The following VOPP1 variants were observed in gnomAD, a reference collection of about 807,000 sequenced individuals.
VOPP1 encodes WW domain binding protein VOPP1.
Under a neutral mutation model 23.5 loss-of-function variants are expected in VOPP1, and 8 were observed. That is an observed-to-expected ratio of 0.34 (90% CI 0.20 to 0.61). VOPP1 has a LOEUF of 0.61. Ranked by LOEUF, VOPP1 falls within the 20% of genes least tolerant of loss-of-function variation. The pLI is 0.78. For synonymous variants in VOPP1, 83 were observed against 97.3 expected, an observed-to-expected ratio of 0.85 and a Z score of 0.86; for missense variants, 174 against 238.1, an observed-to-expected ratio of 0.73 and a Z score of 1.77.
chr7:55,561,962 G>GGTGC lies in VOPP1; in HGVS notation c.54+10305_54+10308dup, dbSNP rs147066070. 315 of 703,418 alleles carry GGTGC rather than the reference G, an allele frequency of 4.5e-4. 1 individual carries two copies. In the African/African-American group the frequency reaches 4.6e-3, roughly 10 times the overall value. The allele number at this position is 703,418 out of a possible 1,614,324, so 43.6% of individuals were successfully genotyped here. ...ATGGGAAAACAGGAAGTGAAAGTAT[G>GGTGC]GTGCCTTCAGGACCCACAGTAGTCG... is the stretch of plus-strand genomic sequence containing the variant. On this transcript the variant is annotated intron_variant, in intron 1 of 4. Transcript: ENST00000285279.
chr7:55,512,224 G>A (rs1044578547), intron 2 of VOPP1, among the ~76,000 whole-genome samples: 3 of 152,060 alleles, frequency 2.0e-5, no homozygotes, highest in Admixed American at 6.5e-5. Flanking sequence ...TCAGGAGTTC[G>A]AGACCAGCCT....
chr7:55,500,921 G>A (rs1794321535), intron 2 of VOPP1, among the ~76,000 whole-genome samples: 1 of 152,194 alleles, frequency 6.6e-6, no homozygotes, highest in Non-Finnish European at 1.5e-5. Flanking sequence ...CATGACCAAA[G>A]GGTCACCTTC....
intron 2 of VOPP1, among the ~76,000 whole-genome samples, chr7:55,499,468 T>C (rs976829879): frequency 6.6e-6 from 1 of 152,212 alleles, no homozygotes; most frequent in African/African-American, 2.4e-5. Context: ...GCCTGCTCTG[T>C]GCTTTCCTGA....
intron 1 of VOPP1, among the ~76,000 whole-genome samples, chr7:55,562,427 C>A (rs1018735440): frequency 1.4e-4 from 22 of 152,196 alleles, no homozygotes; most frequent in Admixed American, 1.4e-3. Flanking sequence ...CAATCTAAGG[C>A]CACTGAAAAT....
chr7:55,561,074 A>G (rs867702711), intron 1 of VOPP1, among the ~76,000 whole-genome samples: 1 of 152,036 alleles, frequency 6.6e-6, no homozygotes, highest in African/African-American at 2.4e-5. Context: ...CACCCCGACC[A>G]TGGATGCTCT....
intron 4 of VOPP1, among the ~76,000 whole-genome samples, chr7:55,437,900 T>A (rs967239337): frequency 6.6e-6 from 1 of 151,570 alleles, no homozygotes; most frequent in Non-Finnish European, 1.5e-5. Context: ...TGTTTGTATT[T>A]TTTTTTTTTT....
Position 55,476,443 on chromosome 7 carries a change from G to C in VOPP1, c.329-3398C>G, listed in dbSNP as rs1032729924. On this transcript the variant is annotated intron_variant, in intron 4 of 4. Transcript: ENST00000285279. ...CAGTGGCGTGTCGGGGGGGTGGGCG[G>C]GGGGGCTGGGCCAATCTTTCCTGGG... is the stretch of plus-strand genomic sequence containing the variant. 1.9e-4 allele frequency among the ~76,000 whole-genome samples: 29 copies of C among 150,176 alleles called. No homozygotes were observed. In the East Asian group the frequency reaches 3.8e-3, roughly 19 times the overall value.
intron 4 of VOPP1, among the ~76,000 whole-genome samples, chr7:55,465,378 A>AAGG (rs200454503): frequency 0.012 from 1,828 of 152,320 alleles, 13 homozygotes; most frequent in Admixed American, 0.021. Flanking sequence ...CTTTCAAGAC[A>AAGG]AGAACGGTAG....
At chr7:55,545,373 G>C (rs1196444330) in intron 1 of VOPP1, among the ~76,000 whole-genome samples, 1 of 152,126 alleles carries the variant, frequency 6.6e-6, no homozygotes, top group South Asian at 2.1e-4. Context: ...GTCCAAGAAC[G>C]TGCTGCTCTC....
chr7:55,529,811 T>A (rs1447209872), intron 1 of VOPP1, among the ~76,000 whole-genome samples: 1 of 152,234 alleles, frequency 6.6e-6, no homozygotes, highest in African/African-American at 2.4e-5. Context: ...GCCTTTGCTA[T>A]AAGGTTCAAT....
intron 4 of VOPP1, among the ~76,000 whole-genome samples, chr7:55,474,187 C>T (rs1167999673): frequency 6.6e-6 from 1 of 152,236 alleles, no homozygotes; most frequent in Non-Finnish European, 1.5e-5. Flanking sequence ...CCCACAGACA[C>T]CACCTGAGTG....
chr7:55,469,259 C>A (rs78369562), downstream of VOPP1, among the ~76,000 whole-genome samples: 714 of 152,210 alleles, frequency 4.7e-3, 10 homozygotes, highest in African/African-American at 0.016. Flanking sequence ...CCTTTGAGCT[C>A]AAAAATCTCT....
rs533993776 is a variant in VOPP1, at chr7:55,496,601, G to A, written c.191+1012C>T. 2.3e-4 allele frequency among the ~76,000 whole-genome samples: 35 copies of A among 152,352 alleles called. No homozygotes were observed. The South Asian group carries it at 6.0e-3, about 26-fold the overall frequency. On this transcript the variant is annotated intron_variant, in intron 3 of 4. Transcript: ENST00000285279. ...GGTCAGGTGAGGCCAAGGAGGTGGT[G>A]AGGTGATGATGAAAGAAGGCATCAC...
intron 2 of VOPP1, among the ~76,000 whole-genome samples, chr7:55,503,644 T>G (rs938562731): frequency 6.6e-6 from 1 of 152,204 alleles, no homozygotes. Context: ...GTGGGGCTTT[T>G]GGAAGGTGAT....
intron 1 of VOPP1, among the ~76,000 whole-genome samples, chr7:55,532,989 A>T (rs941015355): frequency 1.3e-5 from 2 of 152,170 alleles, no homozygotes; most frequent in Admixed American, 1.3e-4. Context: ...GGAGAAAGAG[A>T]GTCAGTTCCA....
chr7:55,453,980 A>G (rs946994331), intron 4 of VOPP1, among the ~76,000 whole-genome samples: 22 of 152,162 alleles, frequency 1.4e-4, no homozygotes, highest in African/African-American at 5.3e-4. Context: ...AGAAGTAGAG[A>G]AAATAGTATA....
chr7:55,538,953 C>T (rs1258611054), intron 1 of VOPP1, among the ~76,000 whole-genome samples: 1 of 146,422 alleles, frequency 6.8e-6, no homozygotes, highest in African/African-American at 2.5e-5. Context: ...GAGAGGTATG[C>T]CTCTTTCTCT....
chr7:55,554,142 T>C (rs1283802737), intron 1 of VOPP1, among the ~76,000 whole-genome samples: 3 of 152,234 alleles, frequency 2.0e-5, no homozygotes, highest in Non-Finnish European at 2.9e-5. Flanking sequence ...TTATCTCTTA[T>C]TGAGAGATAG....
chr7:55,521,632 G>T, intron 1 of VOPP1: 1 of 987,292 alleles, frequency 1.0e-6, no homozygotes, highest in Non-Finnish European at 1.2e-6. Context: ...TCACGTGCAG[G>T]AAGAGAAAGA....
Sources: allele counts gnomAD v4.1 joint callset (sites outside exome capture counted in the v4.1 genomes callset), GRCh38; gene constraint gnomAD v4.1.1; transcripts MANE v1.5; gene names NCBI Gene and HGNC (gene_info 2026-07-23, HGNC 2026-07-21).